The following DPP10 variants were observed in gnomAD, a reference collection of about 807,000 sequenced individuals.
The protein encoded by DPP10 is inactive dipeptidyl peptidase 10.
A neutral mutation model predicts 120.9 loss-of-function variants in DPP10; 33 were observed. That is an observed-to-expected ratio of 0.27 (90% CI 0.21 to 0.37). The LOEUF (loss-of-function observed/expected upper bound fraction) is 0.37. Ranked by LOEUF, DPP10 falls within the 10% of genes least tolerant of loss-of-function variation. DPP10 has a pLI of 1.00. For missense variants in DPP10, 816 were observed against 942.8 expected (o/e 0.87, Z 1.76); for synonymous variants, 337 against 326.1 (o/e 1.03, Z -0.36).
chr2:114,861,434 C>A (rs1004013264), intron 1 of DPP10, among the ~76,000 whole-genome samples: 5 of 152,162 alleles, frequency 3.3e-5, no homozygotes, highest in African/African-American at 1.2e-4. Flanking sequence ...TCATTCTCAA[C>A]TGAATGAAAA....
chr2:115,802,406 A>G (rs1490135965), intron 19 of DPP10, among the ~76,000 whole-genome samples: 1 of 152,094 alleles, frequency 6.6e-6, no homozygotes, highest in Non-Finnish European at 1.5e-5. Context: ...AATTTTTTGA[A>G]GGGTTTTTTG....
chr2:115,047,406 GA>G (rs1191979432), intron 1 of DPP10, among the ~76,000 whole-genome samples: 1 of 151,424 alleles, frequency 6.6e-6, no homozygotes, highest in South Asian at 2.1e-4. Context: ...CATTGTGATT[GA>G]AAAAAACAGT....
At chr2:114,613,272 T>C (rs1693421952) in intron 1 of DPP10, among the ~76,000 whole-genome samples, 1 of 152,178 alleles carries the variant, frequency 6.6e-6, no homozygotes, top group South Asian at 2.1e-4. Context: ...AGGTTATGGA[T>C]ATTAAGTTAA....
intron 5 of DPP10, among the ~76,000 whole-genome samples, chr2:115,591,911 C>A (rs1041756043): frequency 1.3e-5 from 2 of 152,120 alleles, no homozygotes; most frequent in Admixed American, 6.5e-5. Flanking sequence ...CTATTTTATT[C>A]TCTTTGAAGC....
intron 1 of DPP10, among the ~76,000 whole-genome samples, chr2:114,860,382 A>G (rs905856133): frequency 1.3e-5 from 2 of 152,188 alleles, no homozygotes; most frequent in African/African-American, 4.8e-5. Context: ...CCATGGCATC[A>G]TTTTAAAATA....
intron 7 of DPP10, among the ~76,000 whole-genome samples, chr2:115,699,036 C>CAAAAAAAAAAAAAAAAAAAAAAAA (rs1191197397): frequency 2.0e-5 from 1 of 50,784 alleles, no homozygotes; most frequent in African/African-American, 6.9e-5. Context: ...AAAAAAAAAA[C>CAAAAAAAAAAAAAAAAAAAAAAAA]AAAAAAAAAA....
At chr2:115,059,684 G>GGA (rs1169259473) in intron 1 of DPP10, among the ~76,000 whole-genome samples, 1 of 22,606 alleles carries the variant, frequency 4.4e-5, no homozygotes, top group Admixed American at 6.4e-4. Context: ...GACCTCAACA[G>GGA]GAAAAAAAAA....
intron 1 of DPP10, among the ~76,000 whole-genome samples, chr2:114,509,551 T>TG (rs1434288650): frequency 6.6e-6 from 1 of 152,208 alleles, no homozygotes; most frequent in African/African-American, 2.4e-5. Context: ...AGCAGTCCCA[T>TG]GCTGGACCCT....
At chr2:115,383,271 A>T (rs1472473459) in intron 3 of DPP10, among the ~76,000 whole-genome samples, 1 of 152,168 alleles carries the variant, frequency 6.6e-6, no homozygotes, top group Non-Finnish European at 1.5e-5. Flanking sequence ...TGTTCTCATG[A>T]TAGTGAATAA....
intron 1 of DPP10, among the ~76,000 whole-genome samples, chr2:114,499,558 A>T (rs767804734): frequency 1.3e-5 from 2 of 150,008 alleles, no homozygotes; most frequent in Non-Finnish European, 2.9e-5. Context: ...TTAGCACAAG[A>T]TGCTTTTGCA....
intron 1 of DPP10, among the ~76,000 whole-genome samples, chr2:115,163,146 G>A (rs1281506779): frequency 6.6e-6 from 1 of 152,178 alleles, no homozygotes; most frequent in African/African-American, 2.4e-5. Flanking sequence ...TGGGATAGAG[G>A]GAGCGCACGC....
At chr2:114,670,971 C>G (rs1698297683) in intron 1 of DPP10, among the ~76,000 whole-genome samples, 1 of 152,018 alleles carries the variant, frequency 6.6e-6, no homozygotes, top group South Asian at 2.1e-4. Flanking sequence ...TATTATAGAG[C>G]TAGTAAGGTC....
chr2:115,496,185 CAAAA>C (rs139849573), intron 3 of DPP10, among the ~76,000 whole-genome samples: 3 of 150,856 alleles, frequency 2.0e-5, no homozygotes, highest in Non-Finnish European at 4.4e-5. Flanking sequence ...TTATAAAGAA[CAAAA>C]AAAACCCCAA....
chr2:115,666,288 A>G (rs1428793204), intron 5 of DPP10, among the ~76,000 whole-genome samples: 1 of 152,188 alleles, frequency 6.6e-6, no homozygotes, highest in Non-Finnish European at 1.5e-5. Context: ...GTTCTCAGGA[A>G]ACTTACAATC....
intron 5 of DPP10, among the ~76,000 whole-genome samples, chr2:115,676,645 A>G (rs536970025): frequency 1.7e-4 from 26 of 152,298 alleles, no homozygotes; most frequent in Non-Finnish European, 3.4e-4. Context: ...TGCATTAGCC[A>G]AAAGAGGAAA....
Position 115,791,128 on chromosome 2 carries a change from A to T in DPP10, c.1579A>T (p.Lys527Ter). The T allele has an allele frequency of 1.2e-6, 2 of 1,613,582 alleles. No homozygotes were observed. Among genetic ancestry groups the T allele is most frequent in the Non-Finnish European group, 1.7e-6 (2 of 1,179,748 alleles). ...SNSMLKEAIL[K>*]KKIGKPEIKI... ...TTCTATGCTGAAGGAAGCTATCCTGAAGAAGAAGATAGGAAAGCCAGAAAT... is the reference window on the plus strand; with the variant it reads ...TTCTATGCTGAAGGAAGCTATCCTGTAGAAGAAGATAGGAAAGCCAGAAAT... The change falls in exon 18 of 26, where the codon AAG becomes TAG. Residue 527 changes from lysine to a stop codon, truncating the protein, a stop_gained. Coordinates refer to ENST00000410059, the MANE Select transcript of DPP10 (RefSeq NM_020868.6). LOFTEE classifies it high-confidence loss of function.
At chr2:114,845,042 C>A (rs1464234525) in intron 1 of DPP10, among the ~76,000 whole-genome samples, 2 of 152,102 alleles carry the variant, frequency 1.3e-5, no homozygotes, top group Non-Finnish European at 2.9e-5. Flanking sequence ...ATTTAAAAGG[C>A]AGGATTGAAA....
At chr2:115,529,400 C>A (rs148585889) in intron 5 of DPP10, among the ~76,000 whole-genome samples, 1 of 151,588 alleles carries the variant, frequency 6.6e-6, no homozygotes, top group African/African-American at 2.4e-5. Flanking sequence ...AACTCCTGAC[C>A]TCAGGGGATC....
intron 1 of DPP10, among the ~76,000 whole-genome samples, chr2:114,986,121 A>C (rs1048639807): frequency 6.6e-6 from 1 of 152,362 alleles, no homozygotes; most frequent in African/African-American, 2.4e-5. Context: ...AAAGGAAATA[A>C]TTTTGATTAA....
Sources: gnomAD v4.1 joint callset for allele counts (sites outside exome capture counted in the v4.1 genomes callset) on GRCh38, gnomAD v4.1.1 for gene constraint, MANE v1.5 for transcripts, NCBI Gene and HGNC (gene_info 2026-07-23, HGNC 2026-07-21) for gene names.